Variants in DDC observed in about 807,000 individuals in gnomAD.
The protein encoded by DDC is dopa decarboxylase.
DDC carries 43 observed loss-of-function variants against 60.0 expected under a neutral mutation model. The ratio of observed to expected loss-of-function variants is 0.72; its 90% CI spans 0.56 to 0.92. DDC has a LOEUF of 0.92. DDC is among the 40% of genes least tolerant of loss of function. DDC has a pLI of 0.00. For missense variants in DDC, 573 were observed against 620.2 expected, an observed-to-expected ratio of 0.92 and a Z score of 0.81; for synonymous variants, 232 against 234.6, an observed-to-expected ratio of 0.99 and a Z score of 0.10.
At chr7:50,524,973 C>T (rs7777600) in intron 6 of DDC, among the ~76,000 whole-genome samples, 29,003 of 152,130 alleles carry the variant, frequency 0.19, 3,123 homozygotes, top group South Asian at 0.26. Context: ...GTATAGATAA[C>T]ATGGTACCAA....
chr7:50,485,336 A>C (rs886374469), intron 9 of DDC, among the ~76,000 whole-genome samples: 4 of 152,204 alleles, frequency 2.6e-5, no homozygotes, highest in Non-Finnish European at 5.9e-5. Flanking sequence ...TATAAAATGT[A>C]TTTACTGTGC....
chr7:50,527,305 G>A (rs866240432), intron 6 of DDC, among the ~76,000 whole-genome samples: 1 of 152,108 alleles, frequency 6.6e-6, no homozygotes, highest in Non-Finnish European at 1.5e-5. Context: ...TTTCAGTGAT[G>A]TTTCCTGCAT....
At chr7:50,496,212 T>C (rs931013209) in intron 8 of DDC, among the ~76,000 whole-genome samples, 7 of 152,068 alleles carry the variant, frequency 4.6e-5, no homozygotes, top group African/African-American at 1.7e-4. Context: ...GCTTCCTAAG[T>C]AGCTGGGACT....
At chr7:50,463,954 G>C (rs1190230415) in intron 13 of DDC, among the ~76,000 whole-genome samples, 1 of 152,086 alleles carries the variant, frequency 6.6e-6, no homozygotes, top group Non-Finnish European at 1.5e-5. Flanking sequence ...GGTAGGCGCA[G>C]AGGCCCCACC....
chr7:50,539,718 C>A lies in DDC; in HGVS notation c.315+197G>T, dbSNP rs1185932659. The A allele has an allele frequency of 1.2e-5, 7 of 582,516 alleles. No homozygotes were observed. The East Asian group carries it at 2.2e-4, about 18-fold the overall frequency. 36.1% of individuals were successfully genotyped at this position (582,516 alleles called of 1,614,324 possible). A position where few individuals can be genotyped will look rare whatever the true frequency, so the allele number is the denominator to read the frequency against. On this transcript the variant is annotated intron_variant, in intron 3 of 14. Coordinates refer to ENST00000444124, the MANE Select transcript of DDC (RefSeq NM_001082971.2). ...CAGAATGGGCTTTGAGTTGTTGAGA[C>A]TTTCTCTGTTCTCAATCGCTACTTT...
intron 4 of DDC, among the ~76,000 whole-genome samples, chr7:50,532,530 C>T (rs1214216004): frequency 6.6e-6 from 1 of 152,198 alleles, no homozygotes; most frequent in Non-Finnish European, 1.5e-5. Flanking sequence ...TTCACTTTTG[C>T]TGCTATGCAT....
At chr7:50,560,364 G>A (rs1386851066) in intron 1 of DDC, among the ~76,000 whole-genome samples, 5 of 152,156 alleles carry the variant, frequency 3.3e-5, no homozygotes, top group Admixed American at 6.5e-5. Flanking sequence ...TGTGGAGGGC[G>A]CAGCAGACCA....
At chr7:50,553,525 C>T (rs555816306) in intron 1 of DDC, among the ~76,000 whole-genome samples, 3 of 118,048 alleles carry the variant, frequency 2.5e-5, no homozygotes, top group Admixed American at 1.1e-4. Context: ...CTTGCTCTGT[C>T]GCCCAGGCTG....
chr7:50,549,622 A>C (rs2044917813), intron 1 of DDC, among the ~76,000 whole-genome samples: 1 of 149,860 alleles, frequency 6.7e-6, no homozygotes, highest in Admixed American at 6.7e-5. Flanking sequence ...ACACCACTGC[A>C]CTCCAGCCTG....
intron 6 of DDC, among the ~76,000 whole-genome samples, chr7:50,509,869 A>AC (rs143599464): frequency 1.8e-4 from 28 of 152,148 alleles, no homozygotes; most frequent in African/African-American, 6.5e-4. Flanking sequence ...GGGAAAAAAA[A>AC]CCCATCTCTT....
intron 3 of DDC, among the ~76,000 whole-genome samples, chr7:50,538,758 C>T (rs1226818840): frequency 6.6e-6 from 1 of 152,212 alleles, no homozygotes; most frequent in African/African-American, 2.4e-5. Context: ...GAGATGGATG[C>T]CAAGTACCTC....
At chr7:50,503,508 A>G (rs2043307549) in intron 7 of DDC, among the ~76,000 whole-genome samples, 1 of 152,248 alleles carries the variant, frequency 6.6e-6, no homozygotes, top group Non-Finnish European at 1.5e-5. Context: ...TTCCTTGGCG[A>G]AATCCAGTTT....
intron 12 of DDC, among the ~76,000 whole-genome samples, chr7:50,468,355 C>G (rs2042447665): frequency 6.6e-6 from 1 of 152,210 alleles, no homozygotes; most frequent in Admixed American, 6.5e-5. Flanking sequence ...CAGGAGCCAG[C>G]ATGATCATAA....
At chr7:50,535,733 A>T (rs1357270993) in intron 4 of DDC, among the ~76,000 whole-genome samples, 1 of 152,236 alleles carries the variant, frequency 6.6e-6, no homozygotes, top group African/African-American at 2.4e-5. Flanking sequence ...TAGGCACATT[A>T]ATGCACCCTC....
In DDC at chr7:50,476,571, AG is replaced by A. The variant is rs5884156; in HGVS notation, c.1041+52del. On this transcript the variant is annotated intron_variant, in intron 11 of 14. Transcript: ENST00000444124. Reference sequence around the variant, plus strand: ...AGGAGATGTGTGACAGCTGTGGCGTAGCCCCCCAGCACTCCACTAGCATTTG... The same window carrying A: ...AGGAGATGTGTGACAGCTGTGGCGTACCCCCCAGCACTCCACTAGCATTTG... 1,190,806 of 1,531,676 alleles carry A rather than the reference AG, an allele frequency of 0.78. 464,259 individuals carry two copies. Among genetic ancestry groups the A allele is most frequent in the Admixed American group, 0.87 (52,325 of 59,892 alleles). The allele number at this position is 1,531,676 out of a possible 1,614,324, so 94.9% of individuals were successfully genotyped here.
intron 9 of DDC, among the ~76,000 whole-genome samples, chr7:50,489,126 C>A (rs369591898): frequency 1.3e-5 from 2 of 152,300 alleles, no homozygotes; most frequent in African/African-American, 2.4e-5. Context: ...TGTGCCTCAG[C>A]CTCCAGGATA....
At chr7:50,556,040 G>A (rs926286324) in intron 1 of DDC, among the ~76,000 whole-genome samples, 19 of 152,182 alleles carry the variant, frequency 1.2e-4, no homozygotes, top group African/African-American at 4.3e-4. Context: ...TGCCTACTGA[G>A]GACCACAGGG....
intron 11 of DDC, among the ~76,000 whole-genome samples, chr7:50,473,623 G>A (rs2042580575): frequency 6.6e-6 from 1 of 152,136 alleles, no homozygotes; most frequent in African/African-American, 2.4e-5. Flanking sequence ...GATGCCAGTG[G>A]GACTGGGCTG....
intron 1 of DDC, among the ~76,000 whole-genome samples, chr7:50,552,062 C>T (rs2045014905): frequency 6.6e-6 from 1 of 152,194 alleles, no homozygotes; most frequent in African/African-American, 2.4e-5. Flanking sequence ...ATACCACATA[C>T]ACCAAAAGAA....
Sources: allele counts gnomAD v4.1 joint callset (sites outside exome capture counted in the v4.1 genomes callset), GRCh38; gene constraint gnomAD v4.1.1; transcripts MANE v1.5; gene names NCBI Gene and HGNC (gene_info 2026-07-23, HGNC 2026-07-21).